ENPP3: variants seen among roughly 807,000 people sequenced by gnomAD.
ENPP3 encodes the protein ectonucleotide pyrophosphatase/phosphodiesterase 3.
Under a neutral mutation model 117.8 loss-of-function variants are expected in ENPP3, and 104 were observed. The ratio of observed to expected loss-of-function variants is 0.88; its 90% CI spans 0.75 to 1.04. The LOEUF (loss-of-function observed/expected upper bound fraction) is 1.04, where lower values mean the gene tolerates loss of function less well. Among genes scored for constraint, ENPP3 ranks in the 50% least tolerant of loss-of-function variants. The probability of loss-of-function intolerance (pLI) is 0.00; values close to 1 mark genes in which losing one functional copy is unlikely to be tolerated. For synonymous variants in ENPP3, 380 were observed against 349.9 expected, an observed-to-expected ratio of 1.09 and a Z score of -0.96; for missense variants, 1,026 against 1,051.9, an observed-to-expected ratio of 0.98 and a Z score of 0.34.
intron 2 of ENPP3, among the ~76,000 whole-genome samples, chr6:131,648,758 C>T (rs1018581619): frequency 6.6e-6 from 1 of 152,164 alleles, no homozygotes; most frequent in Non-Finnish European, 1.5e-5. Flanking sequence ...AAGCAAGTAT[C>T]ATAGGGAATT....
At chr6:131,655,090 T>C (rs915014078) in intron 5 of ENPP3, among the ~76,000 whole-genome samples, 4 of 152,210 alleles carry the variant, frequency 2.6e-5, no homozygotes, top group African/African-American at 9.6e-5. Flanking sequence ...GTATGGTACA[T>C]AGTAGGTACT....
In ENPP3 at chr6:131,691,225, G is replaced by T. The variant is rs542357859; in HGVS notation, c.1285-2272G>T. ...CTGGACAGAATTAACCAAGCATGAAGTGGCAACTTTTTAAGTTCTGCAGCA... is the reference window on the plus strand; with the variant it reads ...CTGGACAGAATTAACCAAGCATGAATTGGCAACTTTTTAAGTTCTGCAGCA... On this transcript the variant is annotated intron_variant, in intron 14 of 24. Transcript: ENST00000357639. Among the ~76,000 whole-genome samples, 11 of 152,260 alleles carry T rather than the reference G, an allele frequency of 7.2e-5. No individual in the cohort carries two copies. The South Asian group carries it at 2.3e-3, about 32-fold the overall frequency.
At chr6:131,643,503 G>T (rs1276863662) in intron 2 of ENPP3, among the ~76,000 whole-genome samples, 2 of 152,066 alleles carry the variant, frequency 1.3e-5, no homozygotes, top group Non-Finnish European at 2.9e-5. Flanking sequence ...GCAGGGCATT[G>T]GTAATTAACT....
intron 15 of ENPP3, among the ~76,000 whole-genome samples, chr6:131,715,928 C>T (rs1194896503): frequency 6.6e-6 from 1 of 152,166 alleles, no homozygotes; most frequent in African/African-American, 2.4e-5. Context: ...TACCCATAAG[C>T]GCATTCTGGG....
intron 6 of ENPP3, among the ~76,000 whole-genome samples, chr6:131,663,649 A>T (rs184945850): frequency 7.2e-4 from 109 of 151,660 alleles, no homozygotes; most frequent in African/African-American, 2.4e-3. Flanking sequence ...AGCTATGATC[A>T]CACCACTGCA....
intron 10 of ENPP3, among the ~76,000 whole-genome samples, chr6:131,677,103 G>C (rs1366015741): frequency 6.6e-6 from 1 of 151,996 alleles, no homozygotes; most frequent in Non-Finnish European, 1.5e-5. Flanking sequence ...GGGCATGGTG[G>C]TACGCAGTTG....
chr6:131,697,931 T>C (rs1173456919), intron 15 of ENPP3, among the ~76,000 whole-genome samples: 1 of 152,182 alleles, frequency 6.6e-6, no homozygotes, highest in Admixed American at 6.5e-5. Context: ...CATGAAGCCA[T>C]GGGGATGGTG....
chr6:131,663,188 AG>A (rs1778539489), intron 6 of ENPP3, among the ~76,000 whole-genome samples: 1 of 150,884 alleles, frequency 6.6e-6, no homozygotes, highest in African/African-American at 2.4e-5. Context: ...TGCTCAGGCT[AG>A]AAGAGTGGAC....
At chr6:131,733,747 C>T (rs376153998) in intron 21 of ENPP3, 24 bp downstream of exon 21, 40 of 1,610,752 alleles carry the variant, frequency 2.5e-5, no homozygotes, top group Admixed American at 1.8e-4. Context: ...TTTTTTAGAG[C>T]AGTAGCTTAG....
chr6:131,672,653 T>C (rs1326080380), intron 7 of ENPP3, among the ~76,000 whole-genome samples: 1 of 151,776 alleles, frequency 6.6e-6, no homozygotes, highest in Non-Finnish European at 1.5e-5. Context: ...CTACGAATAA[T>C]AATAATTGAC....
At chr6:131,738,467 G>A (rs1780449593) in intron 23 of ENPP3, among the ~76,000 whole-genome samples, 1 of 150,850 alleles carries the variant, frequency 6.6e-6, no homozygotes, top group African/African-American at 2.4e-5. Flanking sequence ...AAAACTTGAT[G>A]TACTATCAAT....
At chr6:131,668,270 T>G (rs1277788541) in intron 6 of ENPP3, among the ~76,000 whole-genome samples, 11 of 137,108 alleles carry the variant, frequency 8.0e-5, no homozygotes, top group South Asian at 2.5e-4. Flanking sequence ...TGGAGCACAG[T>G]GGCACGATCT....
chr6:131,701,894 A>AG (rs1554265441), intron 15 of ENPP3, among the ~76,000 whole-genome samples: 1 of 119,068 alleles, frequency 8.4e-6, no homozygotes, highest in Non-Finnish European at 2.0e-5. Flanking sequence ...GAAAAAAAAA[A>AG]AAAAGAAAAG....
chr6:131,653,921 C>T (rs866727714), intron 5 of ENPP3, among the ~76,000 whole-genome samples: 3 of 151,994 alleles, frequency 2.0e-5, no homozygotes, highest in Admixed American at 6.6e-5. Context: ...AGGGCTGCTC[C>T]GCTGACTGCC....
intron 23 of ENPP3, among the ~76,000 whole-genome samples, chr6:131,739,886 C>T (rs572365696): frequency 6.9e-6 from 1 of 145,984 alleles, no homozygotes; most frequent in East Asian, 2.0e-4. Context: ...GCTTGGGCAA[C>T]AAAGTGAGAA....
chr6:131,684,002 C>T (rs1487721811), intron 12 of ENPP3, among the ~76,000 whole-genome samples: 2 of 152,134 alleles, frequency 1.3e-5, no homozygotes, highest in Admixed American at 6.6e-5. Flanking sequence ...CCGCCCACCT[C>T]GGCCTCCCAA....
intron 15 of ENPP3, chr6:131,701,167 G>A (rs1395736245): frequency 5.0e-6 from 4 of 800,926 alleles, no homozygotes; most frequent in East Asian, 2.7e-5. Flanking sequence ...ACCAGCATCC[G>A]GGGCACCGTG....
At chr6:131,679,063 T>TTC (rs1491315455) in intron 11 of ENPP3, among the ~76,000 whole-genome samples, 1 of 134,022 alleles carries the variant, frequency 7.5e-6, no homozygotes, top group African/African-American at 3.1e-5. Context: ...CTTTCTTTCT[T>TTC]TCTTTCTTTC....
chr6:131,723,211 T>G (rs1780073699), intron 18 of ENPP3, among the ~76,000 whole-genome samples: 1 of 152,174 alleles, frequency 6.6e-6, no homozygotes, highest in Non-Finnish European at 1.5e-5. Flanking sequence ...GAATTTTTCC[T>G]TATAGTCAGA....
Sources: gnomAD v4.1 joint callset for allele counts (sites outside exome capture counted in the v4.1 genomes callset) on GRCh38, gnomAD v4.1.1 for gene constraint, MANE v1.5 for transcripts, NCBI Gene and HGNC (gene_info 2026-07-23, HGNC 2026-07-21) for gene names.